NEGR1: variants seen among roughly 807,000 people sequenced by gnomAD.
The protein encoded by NEGR1 is neuronal growth regulator 1, also known as IgLON family member 4.
A neutral mutation model predicts 40.9 loss-of-function variants in NEGR1; 10 were observed. That is an observed-to-expected ratio of 0.24 (90% CI 0.15 to 0.42). The LOEUF (loss-of-function observed/expected upper bound fraction) is 0.42. NEGR1 is among the 10% of genes least tolerant of loss of function. The pLI, the probability that NEGR1 is intolerant of heterozygous loss-of-function variation, is 1.00. For synonymous variants in NEGR1, 185 were observed against 166.8 expected, an observed-to-expected ratio of 1.11 and a Z score of -0.84; for missense variants, 352 against 438.9, an observed-to-expected ratio of 0.80 and a Z score of 1.77.
At chr1:71,560,355 A>G (rs1244528687) in intron 6 of NEGR1, among the ~76,000 whole-genome samples, 1 of 149,220 alleles carries the variant, frequency 6.7e-6, no homozygotes, top group Non-Finnish European at 1.5e-5. Context: ...TGGTGCTATC[A>G]GGAGAGAAAA....
intron 3 of NEGR1, among the ~76,000 whole-genome samples, chr1:71,763,470 C>T (rs1006985921): frequency 1.3e-5 from 2 of 152,108 alleles, no homozygotes; most frequent in Non-Finnish European, 2.9e-5. Context: ...AGTCAGTAAT[C>T]ATTTCAAAGT....
At chr1:72,262,034 A>C (rs1655475494) in intron 1 of NEGR1, among the ~76,000 whole-genome samples, 1 of 152,040 alleles carries the variant, frequency 6.6e-6, no homozygotes, top group Non-Finnish European at 1.5e-5. Flanking sequence ...GAAGGGAAGA[A>C]AGACAATAAA....
In NEGR1 at chr1:72,095,983, T is replaced by A. The variant is rs187100332; in HGVS notation, c.177-160672A>T. ...AGTGGATTAAATATTTCCTTTTTTT[T>A]AAGCTTTGATCCAAAGGGTATGATT... On this transcript the variant is annotated intron_variant, in intron 1 of 6. Coordinates refer to ENST00000357731, the MANE Select transcript of NEGR1 (RefSeq NM_173808.3). Among the ~76,000 whole-genome samples, 46 of 152,292 alleles carry A rather than the reference T, an allele frequency of 3.0e-4. No individual in the cohort carries two copies. The East Asian group carries it at 8.7e-3, about 29-fold the overall frequency.
At chr1:72,220,643 AT>A (rs77246827) in intron 1 of NEGR1, among the ~76,000 whole-genome samples, 1 of 151,874 alleles carries the variant, frequency 6.6e-6, no homozygotes, top group Admixed American at 6.6e-5. Flanking sequence ...ATAATTTCAA[AT>A]TTTTCAACAT....
At chr1:71,650,253 C>T (rs930293404) in intron 4 of NEGR1, among the ~76,000 whole-genome samples, 1 of 152,012 alleles carries the variant, frequency 6.6e-6, no homozygotes, top group African/African-American at 2.4e-5. Flanking sequence ...TTTCAGTGAC[C>T]CCTGAATAAC....
intron 1 of NEGR1, among the ~76,000 whole-genome samples, chr1:72,197,058 A>T (rs988501859): frequency 6.6e-6 from 1 of 151,872 alleles, no homozygotes; most frequent in African/African-American, 2.4e-5. Flanking sequence ...TTATCTGAAA[A>T]TTTTTGTGAT....
At chr1:71,675,464 T>G (rs891375418) in intron 4 of NEGR1, among the ~76,000 whole-genome samples, 8 of 151,724 alleles carry the variant, frequency 5.3e-5, no homozygotes, top group African/African-American at 1.9e-4. Context: ...TAGATATATG[T>G]GTATATCTAT....
At chr1:72,218,610 G>A (rs897646592) in intron 1 of NEGR1, among the ~76,000 whole-genome samples, 3 of 151,824 alleles carry the variant, frequency 2.0e-5, no homozygotes. Flanking sequence ...GAGTTATAGG[G>A]AGTTGTTTTT....
At chr1:72,216,400 T>TATATATATACAC (rs1491047650) in intron 1 of NEGR1, among the ~76,000 whole-genome samples, 1 of 121,948 alleles carries the variant, frequency 8.2e-6, no homozygotes, top group African/African-American at 3.5e-5. Flanking sequence ...TATATATATA[T>TATATATATACAC]ACATATATAT....
At chr1:72,221,662 T>G (rs1268210288) in intron 1 of NEGR1, among the ~76,000 whole-genome samples, 2 of 152,126 alleles carry the variant, frequency 1.3e-5, no homozygotes, top group Non-Finnish European at 2.9e-5. Context: ...AAAGTAGCCT[T>G]AAACATTAGT....
Position 71,767,970 on chromosome 1 carries a change from T to C in NEGR1, c.535+8202A>G, listed in dbSNP as rs190837197. 1.2e-3 allele frequency among the ~76,000 whole-genome samples: 183 copies of C among 152,130 alleles called. 1 individual carries two copies. The highest frequency in any genetic ancestry group is 4.2e-3 in the African/African-American group (176 of 41,502). ...GTGTTAAGCCTGTGGGTGCACAGAG[T>C]ACAAGAGCTGAGGCTTGGAAGCCTC... is the stretch of plus-strand genomic sequence containing the variant. On this transcript the variant is annotated intron_variant, in intron 3 of 6. Coordinates refer to ENST00000357731, the MANE Select transcript of NEGR1 (RefSeq NM_173808.3).
intron 3 of NEGR1, among the ~76,000 whole-genome samples, chr1:71,706,487 T>G (rs529321035): frequency 4.7e-5 from 7 of 149,172 alleles, no homozygotes; most frequent in Admixed American, 4.1e-4. Context: ...CACAATATAC[T>G]GAGATACCAG....
chr1:71,773,289 A>T (rs1446587967), intron 3 of NEGR1, among the ~76,000 whole-genome samples: 1 of 152,200 alleles, frequency 6.6e-6, no homozygotes, highest in Non-Finnish European at 1.5e-5. Flanking sequence ...CACATACAAA[A>T]ACTAGCCATT....
intron 2 of NEGR1, among the ~76,000 whole-genome samples, chr1:71,875,591 T>G (rs976315966): frequency 6.6e-6 from 1 of 152,170 alleles, no homozygotes; most frequent in Non-Finnish European, 1.5e-5. Flanking sequence ...CAGTTTGATG[T>G]GCAGATACGG....
intron 1 of NEGR1, among the ~76,000 whole-genome samples, chr1:72,069,534 T>C (rs1375879256): frequency 6.6e-6 from 1 of 152,140 alleles, no homozygotes; most frequent in African/African-American, 2.4e-5. Context: ...ATAGAGGTCA[T>C]AAATCTACTT....
intron 2 of NEGR1, among the ~76,000 whole-genome samples, chr1:71,881,057 G>C (rs1660570542): frequency 6.6e-6 from 1 of 151,832 alleles, no homozygotes; most frequent in Non-Finnish European, 1.5e-5. Context: ...TCTTACCTTG[G>C]TATCTCCCTC....
intron 3 of NEGR1, among the ~76,000 whole-genome samples, chr1:71,731,228 T>A (rs1386714687): frequency 6.6e-6 from 1 of 152,098 alleles, no homozygotes; most frequent in African/African-American, 2.4e-5. Flanking sequence ...TCTCCTCTCA[T>A]TTTTGAAAAA....
chr1:71,568,780 A>G (rs907801371), intron 6 of NEGR1, among the ~76,000 whole-genome samples: 1 of 151,480 alleles, frequency 6.6e-6, no homozygotes, highest in African/African-American at 2.4e-5. Context: ...AAATAAAATT[A>G]TAAGAATTAT....
intron 1 of NEGR1, among the ~76,000 whole-genome samples, chr1:72,119,470 T>A (rs1557536176): frequency 6.6e-6 from 1 of 151,750 alleles, no homozygotes; most frequent in Non-Finnish European, 1.5e-5. Context: ...ATTAAAAAAA[T>A]GAGGGGGGCA....
Sources: gnomAD v4.1 joint callset for allele counts (sites outside exome capture counted in the v4.1 genomes callset) on GRCh38, gnomAD v4.1.1 for gene constraint, MANE v1.5 for transcripts, NCBI Gene and HGNC (gene_info 2026-07-23, HGNC 2026-07-21) for gene names.